KLHL41: variants seen among roughly 807,000 people sequenced by gnomAD.
KLHL41 encodes the protein kelch like family member 41, also known as kelch-like protein 41.
Under a neutral mutation model 49.2 loss-of-function variants are expected in KLHL41, and 31 were observed. The observed-to-expected ratio is 0.63, with a 90% CI of 0.47 to 0.85. The LOEUF is 0.85. KLHL41 is among the 40% of genes least tolerant of loss of function. The pLI is 0.00. For synonymous variants in KLHL41, 218 were observed against 258.5 expected (o/e 0.84, Z 1.50); for missense variants, 663 against 726.7 (o/e 0.91, Z 1.01).
At position 169,509,802 on chromosome 2, in the gene KLHL41, A is replaced by C; in HGVS notation, c.24A>C (p.Ala8=). MDSQREL[A]EELRLYQSTL... is the part of the protein sequence containing the mutation. ...GAATGGATTCCCAGCGGGAACTTGC[A>C]GAGGAACTGCGGCTTTACCAATCCA... The change falls in exon 1 of 6, where the codon GCA becomes GCC. Residue 8 remains alanine, a synonymous_variant. Transcript: ENST00000284669. The C allele has an allele frequency of 1.2e-6, 2 of 1,612,258 alleles. No individual in the cohort carries two copies. Among genetic ancestry groups the C allele is most frequent in the South Asian group, 1.1e-5 (1 of 90,968 alleles).
In KLHL41 at chr2:169,525,701, G is replaced by C; in HGVS notation, c.*5G>C. On this transcript the variant is annotated 3_prime_UTR_variant, in exon 6 of 6. Transcript: ENST00000284669. ...TTCAAACTGTCTAAACTGTGAACAA[G>C]GTGACAAAACATAATAGATTGGGAG... is the stretch of plus-strand genomic sequence containing the variant. 1 of 1,547,064 alleles carries C rather than the reference G, an allele frequency of 6.5e-7. No homozygotes were observed.
chr2:169,520,314 G>GTA (rs769278041), intron 4 of KLHL41, among the ~76,000 whole-genome samples: 8,983 of 103,406 alleles, frequency 0.087, 1,148 homozygotes, highest in Middle Eastern at 0.21. Context: ...GTGTGTGTAT[G>GTA]TGTGTGTGTG....
At chr2:169,517,141 G>A (rs879912082) in intron 3 of KLHL41, among the ~76,000 whole-genome samples, 5 of 152,196 alleles carry the variant, frequency 3.3e-5, no homozygotes, top group Admixed American at 3.3e-4. Context: ...TCAAATATTA[G>A]AGGAAATGCT....
At chr2:169,515,647 A>AAGTATTTTAATCT (rs1684105562) in intron 3 of KLHL41, among the ~76,000 whole-genome samples, 1 of 152,246 alleles carries the variant, frequency 6.6e-6, no homozygotes. Context: ...TTTAAAATAT[A>AAGTATTTTAATCT]TCTTCTAAGA....
In KLHL41 at chr2:169,510,758, C is replaced by T. The variant is rs377020821; in HGVS notation, c.980C>T (p.Thr327Ile). ...CCCACGGAAAATGAATGCTACCTTA[C>T]TGCACTGGCTGAGCAGATTCCCAGA... ...YDPTENECYLTALAEQIPRNH... is the reference protein window; with the variant it reads ...YDPTENECYLIALAEQIPRNH... Residue 327 changes from threonine (T) to isoleucine (I), a missense_variant, in exon 1 of 6, where the codon ACT becomes ATT. Thr to Ile is a moderately conservative substitution (Grantham distance 89). Around this residue, in one of 3 missense-constraint regions of KLHL41, gnomAD observed 528 missense variants for 581.0 expected, o/e 0.91. Coordinates refer to ENST00000284669, the MANE Select transcript of KLHL41 (RefSeq NM_006063.3). This position sits in a 1 kb window ranked among gnomAD's most constrained non-coding sequence, Gnocchi z 4.2. The T allele has an allele frequency of 5.6e-6, 9 of 1,614,166 alleles. No homozygotes were observed. Among genetic ancestry groups the T allele is most frequent in the Non-Finnish European group, 7.6e-6 (9 of 1,180,038 alleles).
chr2:169,519,687 G>C (rs1684168769), intron 4 of KLHL41, among the ~76,000 whole-genome samples: 1 of 140,770 alleles, frequency 7.1e-6, no homozygotes, highest in East Asian at 2.1e-4. Flanking sequence ...GTCTCACTGT[G>C]TCACACAGGC....
rs911390630 is a variant in KLHL41 at position 169,518,245 on chromosome 2, C to G, written c.1432C>G (p.Leu478Val). 2 of 1,613,848 alleles carry G rather than the reference C, an allele frequency of 1.2e-6. No homozygotes were observed. The highest frequency in any genetic ancestry group is 2.7e-5 in the African/African-American group (2 of 74,926). Residue 478 changes from leucine (L) to valine (V), a missense_variant, in exon 4 of 6, where the codon CTG becomes GTG. Physicochemically the swap from Leu to Val is conservative, Grantham distance 32 (BLOSUM62 1). Coordinates refer to ENST00000284669, the MANE Select transcript of KLHL41 (RefSeq NM_006063.3). ...FNPKKGDWKDLAPMKIPRSMF... is the reference protein window; with the variant it reads ...FNPKKGDWKDVAPMKIPRSMF... ...CCCCAAAAAAGGAGATTGGAAAGAT[C>G]TGGCTCCAATGAAAATTCCTCGTTC...
chr2:169,514,687 TCAAA>T lies in KLHL41; in HGVS notation c.1227_1230del (p.Thr410ArgfsTer20). ...TCTATGTAGTTGCAGGCAAAGACCTTCAAACAGAGGCTTCGCTGGATTCAGTATT... is the reference window on the plus strand; with the variant it reads ...TCTATGTAGTTGCAGGCAAAGACCTTCAGAGGCTTCGCTGGATTCAGTATT... On this transcript the variant is annotated frameshift_variant, in exon 2 of 6. Transcript: ENST00000284669. LOFTEE classifies it high-confidence loss of function. 1.2e-6 allele frequency: 2 copies of T among 1,614,146 alleles called. No individual in the cohort carries two copies. The highest frequency in any genetic ancestry group is 2.2e-5 in the East Asian group (1 of 44,868).
intron 1 of KLHL41, among the ~76,000 whole-genome samples, chr2:169,513,723 A>T (rs532971209): frequency 3.9e-5 from 6 of 152,314 alleles, no homozygotes; most frequent in African/African-American, 1.4e-4. Flanking sequence ...GAGAACAACA[A>T]ATCTGCAACT....
chr2:169,523,246 G>C (rs1684229490), intron 5 of KLHL41, among the ~76,000 whole-genome samples: 1 of 152,278 alleles, frequency 6.6e-6, no homozygotes, highest in East Asian at 1.9e-4. Flanking sequence ...GATCCTCTCT[G>C]ATTGTGGTTT....
At chr2:169,520,312 A>ATGTGTG (rs369521434) in intron 4 of KLHL41, among the ~76,000 whole-genome samples, 1 of 86,682 alleles carries the variant, frequency 1.2e-5, no homozygotes, top group African/African-American at 5.2e-5. Flanking sequence ...GTGTGTGTGT[A>ATGTGTG]TGTGTGTGTG....
intron 5 of KLHL41, among the ~76,000 whole-genome samples, chr2:169,524,410 G>T (rs1452416139): frequency 3.3e-5 from 5 of 150,718 alleles, no homozygotes; most frequent in African/African-American, 1.2e-4. Context: ...GAATGATTTG[G>T]GGTAAATCTT....
At position 169,524,156 on chromosome 2, in the gene KLHL41, C is replaced by T. The variant is rs202094745; in HGVS notation, c.1710-1429C>T. On this transcript the variant is annotated intron_variant, in intron 5 of 5. Coordinates refer to ENST00000284669, the MANE Select transcript of KLHL41 (RefSeq NM_006063.3). ...TAACCTCATATTGTTTAAATGTGGT[C>T]ACTTTCTTTAGGTCATTTAAAACTA... Among the ~76,000 whole-genome samples, 33 of 152,198 alleles carry T rather than the reference C, an allele frequency of 2.2e-4. No homozygotes were observed. The East Asian group carries it at 6.4e-3, about 29-fold the overall frequency.
intron 4 of KLHL41, among the ~76,000 whole-genome samples, chr2:169,519,064 C>T: frequency 6.6e-6 from 1 of 152,202 alleles, no homozygotes; most frequent in East Asian, 1.9e-4. Context: ...AAAAGATCTT[C>T]ACTTAACTTG....
chr2:169,511,447 A>G (rs762509484), intron 1 of KLHL41, among the ~76,000 whole-genome samples: 2 of 152,206 alleles, frequency 1.3e-5, no homozygotes, highest in Non-Finnish European at 2.9e-5. Flanking sequence ...TATCCATTAT[A>G]AAGAAGTAAT....
chr2:169,510,870 A>G lies in KLHL41; in HGVS notation c.1092A>G (p.Leu364=). The change falls in exon 1 of 6, where the codon CTA becomes CTG. Residue 364 remains leucine (L), a synonymous_variant. Transcript: ENST00000284669. The surrounding 1 kb of genome is among the most constrained non-coding windows in gnomAD (Gnocchi z 4.2). ...YVDEENKDQP[L]QSYFFQLDSI... is the part of the protein sequence containing the mutation. The stretch of plus-strand genomic sequence containing the variant: ...ATGAAGAAAATAAGGATCAACCTCT[A>G]CAGTCATACTTCTTCCAGGTAAGAA... The G allele has an allele frequency of 3.1e-6, 5 of 1,613,492 alleles. No individual in the cohort carries two copies. Among genetic ancestry groups the G allele is most frequent in the Non-Finnish European group, 4.2e-6 (5 of 1,179,660 alleles).
chr2:169,514,820 G>A, intron 2 of KLHL41, 34 bp from the exon 3 acceptor site: 1 of 1,591,872 alleles, frequency 6.3e-7, no homozygotes, highest in Non-Finnish European at 8.6e-7. Flanking sequence ...GGAATTTACT[G>A]AAGGTATATA....
At chr2:169,518,157 T>C (rs1158350770) in intron 3 of KLHL41, 33 bp from the exon 4 acceptor site, 1 of 1,559,308 alleles carries the variant, frequency 6.4e-7, no homozygotes, top group Non-Finnish European at 8.8e-7. Flanking sequence ...CAAAAAAAGG[T>C]TCTAAAAGGA....
At chr2:169,514,518 G>A (rs770437292) in intron 1 of KLHL41, 56 bp from the exon 2 acceptor site, 5 of 1,465,958 alleles carry the variant, frequency 3.4e-6, no homozygotes, top group East Asian at 2.3e-5. Context: ...TTTTTTTGGT[G>A]TACTTCTAAT....
Sources: gnomAD v4.1 joint callset for allele counts (sites outside exome capture counted in the v4.1 genomes callset) on GRCh38, gnomAD v4.1.1 for gene constraint, gnomAD v4.1.1 regional missense constraint, Gnocchi (gnomAD v3.1) non-coding constraint, MANE v1.5 for transcripts, NCBI Gene and HGNC (gene_info 2026-07-23, HGNC 2026-07-21) for gene names.